The following CLSTN2 variants were observed in gnomAD, a reference collection of about 807,000 sequenced individuals.
CLSTN2 encodes the protein calsyntenin 2.
CLSTN2 carries 48 observed loss-of-function variants against 101.2 expected under a neutral mutation model. The observed-to-expected ratio is 0.47, with a 90% CI of 0.38 to 0.60. The LOEUF (loss-of-function observed/expected upper bound fraction) is 0.60. Among genes scored for constraint, CLSTN2 ranks in the 20% least tolerant of loss-of-function variants. The pLI, the probability that CLSTN2 is intolerant of heterozygous loss-of-function variation, is 0.00. For missense variants in CLSTN2, 1,160 were observed against 1,238.2 expected (o/e 0.94, Z 0.95); for synonymous variants, 481 against 463.6 (o/e 1.04, Z -0.48).
intron 2 of CLSTN2, among the ~76,000 whole-genome samples, chr3:140,197,323 T>C (rs2107839354): frequency 6.6e-6 from 1 of 152,326 alleles, no homozygotes; most frequent in African/African-American, 2.4e-5. Flanking sequence ...CATAGCCATT[T>C]CCAGTCTATT....
intron 1 of CLSTN2, among the ~76,000 whole-genome samples, chr3:139,961,247 G>A (rs886160167): frequency 1.3e-5 from 2 of 152,090 alleles, no homozygotes; most frequent in African/African-American, 4.8e-5. Context: ...CACCCCCAGG[G>A]CTATTGTTTT....
chr3:140,506,674 T>C (rs1934690076), intron 8 of CLSTN2: 1 of 152,124 alleles, frequency 6.6e-6, no homozygotes, highest in Non-Finnish European at 1.5e-5. Flanking sequence ...GATGTGGAAG[T>C]GGATGTGGTT....
chr3:140,019,564 T>A (rs2007266455), intron 1 of CLSTN2, among the ~76,000 whole-genome samples: 1 of 152,232 alleles, frequency 6.6e-6, no homozygotes, highest in African/African-American at 2.4e-5. Flanking sequence ...ATGGCATAGT[T>A]GGGTATTTTT....
chr3:140,019,451 C>A (rs541042990), intron 1 of CLSTN2, among the ~76,000 whole-genome samples: 1 of 152,184 alleles, frequency 6.6e-6, no homozygotes, highest in Non-Finnish European at 1.5e-5. Flanking sequence ...ACCATAATCA[C>A]CTGTTTCCTA....
intron 5 of CLSTN2, among the ~76,000 whole-genome samples, chr3:140,422,230 A>G (rs2170060): frequency 0.59 from 88,575 of 150,468 alleles, 28,370 homozygotes; most frequent in African/African-American, 0.87. Context: ...TGCTATCTTT[A>G]ATTCTTAAAT....
intron 1 of CLSTN2, among the ~76,000 whole-genome samples, chr3:140,010,833 C>T (rs183117030): frequency 6.6e-6 from 1 of 152,152 alleles, no homozygotes; most frequent in African/African-American, 2.4e-5. Context: ...TTGTGAGGAC[C>T]CAGTGGAATA....
intron 1 of CLSTN2, among the ~76,000 whole-genome samples, chr3:139,989,278 C>T (rs1936079209): frequency 6.6e-6 from 1 of 152,214 alleles, no homozygotes; most frequent in Non-Finnish European, 1.5e-5. Context: ...CTTATTACTG[C>T]AGGGGCAGGG....
intron 1 of CLSTN2, among the ~76,000 whole-genome samples, chr3:140,034,436 T>C (rs2007615964): frequency 6.6e-6 from 1 of 152,086 alleles, no homozygotes; most frequent in Admixed American, 6.5e-5. Flanking sequence ...GAATGCCAAA[T>C]TGGAATCAAA....
intron 2 of CLSTN2, among the ~76,000 whole-genome samples, chr3:140,334,173 T>A (rs1256159787): frequency 6.6e-6 from 1 of 152,152 alleles, no homozygotes; most frequent in East Asian, 1.9e-4. Context: ...TTGATGGAGA[T>A]AGTACATATA....
chr3:140,036,311 A>G (rs1414562453), intron 1 of CLSTN2, among the ~76,000 whole-genome samples: 2 of 152,170 alleles, frequency 1.3e-5, no homozygotes, highest in South Asian at 2.1e-4. Context: ...AATTAAAACA[A>G]TTATAGTCCA....
chr3:140,319,688 A>G (rs1016346600), intron 2 of CLSTN2, among the ~76,000 whole-genome samples: 5 of 152,334 alleles, frequency 3.3e-5, no homozygotes, highest in African/African-American at 1.2e-4. Flanking sequence ...TCAGGAATAG[A>G]GAGATGACAC....
At chr3:140,269,991 G>A (rs62267970) in intron 2 of CLSTN2, among the ~76,000 whole-genome samples, 19,981 of 152,164 alleles carry the variant, frequency 0.13, 1,375 homozygotes, top group East Asian at 0.26. Context: ...GAGGAAAAGC[G>A]GGCCAGTTTC....
At chr3:140,301,743 G>A (rs1278669076) in intron 2 of CLSTN2, among the ~76,000 whole-genome samples, 1 of 152,186 alleles carries the variant, frequency 6.6e-6, no homozygotes, top group Non-Finnish European at 1.5e-5. Flanking sequence ...GACTTCTGCT[G>A]TGTAGGCAGG....
At chr3:140,249,437 G>A (rs956377418) in intron 2 of CLSTN2, among the ~76,000 whole-genome samples, 10 of 152,296 alleles carry the variant, frequency 6.6e-5, no homozygotes, top group African/African-American at 2.4e-4. Flanking sequence ...GGAGCTCTCA[G>A]GAGGAAATGA....
At chr3:140,118,504 A>G (rs1398921998) in intron 1 of CLSTN2, among the ~76,000 whole-genome samples, 1 of 152,166 alleles carries the variant, frequency 6.6e-6, no homozygotes, top group Non-Finnish European at 1.5e-5. Context: ...CTGGGGAAAC[A>G]AAAAGAGTTT....
chr3:140,526,443 T>C lies in CLSTN2; in HGVS notation c.1345-5881T>C, dbSNP rs1273629896. 2.8e-4 allele frequency among the ~76,000 whole-genome samples: 43 copies of C among 151,452 alleles called. 2 individuals carry two copies. The highest frequency in any genetic ancestry group is 2.8e-3 in the Admixed American group (42 of 15,252). On this transcript the variant is annotated intron_variant, in intron 8 of 16. Transcript: ENST00000458420. ...CACAAAGAAATGGGAAAACGTTTCA[T>C]GCTTAAGGATTGGAAGGATCAATAT...
intron 8 of CLSTN2, among the ~76,000 whole-genome samples, chr3:140,518,983 CTT>C (rs574520666): frequency 6.7e-6 from 1 of 150,186 alleles, no homozygotes; most frequent in Non-Finnish European, 1.5e-5. Context: ...AAATTTCACT[CTT>C]AACACTGCTT....
chr3:140,524,684 T>C (rs1166860100), intron 8 of CLSTN2, among the ~76,000 whole-genome samples: 1 of 152,166 alleles, frequency 6.6e-6, no homozygotes, highest in Non-Finnish European at 1.5e-5. Context: ...ATCAATCACA[T>C]GCTCAGTCAT....
chr3:140,059,680 TGC>T lies in CLSTN2; in HGVS notation c.110-116270_110-116269del, dbSNP rs559917242. ...ATGAGGTCAGGGCAGTGAAGAAGCTTGCCCTATTAAGACACCCACTTGGAAGC... is the reference window on the plus strand; with the variant it reads ...ATGAGGTCAGGGCAGTGAAGAAGCTTCCTATTAAGACACCCACTTGGAAGC... On this transcript the variant is annotated intron_variant, in intron 1 of 16. Coordinates refer to ENST00000458420, the MANE Select transcript of CLSTN2 (RefSeq NM_022131.3). Among the ~76,000 whole-genome samples, 35 of 152,238 alleles carry T rather than the reference TGC, an allele frequency of 2.3e-4. No individual in the cohort carries two copies. The East Asian group carries it at 4.8e-3, about 21-fold the overall frequency.
Sources: allele counts gnomAD v4.1 joint callset (sites outside exome capture counted in the v4.1 genomes callset), GRCh38; gene constraint gnomAD v4.1.1; transcripts MANE v1.5; gene names NCBI Gene and HGNC (gene_info 2026-07-23, HGNC 2026-07-21).